ACAD11: variants seen among roughly 807,000 people sequenced by gnomAD.
The protein encoded by ACAD11 is acyl-Coenzyme A dehydrogenase family, member 11.
In ACAD11, 83 loss-of-function variants were observed where a neutral mutation model predicts 102.2. The ratio of observed to expected loss-of-function variants is 0.81; its 90% CI spans 0.68 to 0.97. The LOEUF is 0.97. Ranked by LOEUF, ACAD11 falls within the 50% of genes least tolerant of loss-of-function variation. The probability of loss-of-function intolerance (pLI) is 0.00; values close to 1 mark genes in which losing one functional copy is unlikely to be tolerated. For missense variants in ACAD11, 901 were observed against 951.7 expected, an observed-to-expected ratio of 0.95 and a Z score of 0.70; for synonymous variants, 324 against 319.8, an observed-to-expected ratio of 1.01 and a Z score of -0.14.
intron 13 of ACAD11, chr3:132,600,397 C>T: frequency 6.3e-7 from 1 of 1,578,348 alleles, no homozygotes; most frequent in Non-Finnish European, 8.6e-7. Context: ...AGATTGGAGC[C>T]ATGGCTTTGG....
intron 11 of ACAD11, among the ~76,000 whole-genome samples, chr3:132,613,990 T>A (rs1395975643): frequency 6.6e-6 from 1 of 152,056 alleles, no homozygotes; most frequent in Non-Finnish European, 1.5e-5. Flanking sequence ...GGATACAAAA[T>A]CAATGTGCAA....
At chr3:132,574,898 G>C (rs577325499) in intron 17 of ACAD11, among the ~76,000 whole-genome samples, 3 of 152,076 alleles carry the variant, frequency 2.0e-5, no homozygotes, top group South Asian at 2.1e-4. Flanking sequence ...GCAGTGGCAC[G>C]ATCTTGGCTG....
At position 132,612,703 on chromosome 3, in the gene ACAD11, A is replaced by G. The variant is rs549410951; in HGVS notation, c.1414+5931T>C. ...ACCATCTCACACCAGTTAGAATGGC[A>G]ATCATTAAAAAGTCAGGAAACAACA... On this transcript the variant is annotated intron_variant, in intron 11 of 19. Transcript: ENST00000264990. 2.4e-3 allele frequency among the ~76,000 whole-genome samples: 361 copies of G among 151,946 alleles called. 8 individuals carry two copies. The highest frequency in any genetic ancestry group is 7.7e-3 in the African/African-American group (318 of 41,364).
intron 7 of ACAD11, 50 bp from the exon 8 acceptor site, chr3:132,628,496 C>T (rs377705635): frequency 1.0e-4 from 132 of 1,261,792 alleles, no homozygotes; most frequent in Middle Eastern, 2.0e-4. Context: ...CGTCCTTCAA[C>T]AATCCAATCA....
At chr3:132,561,671 G>A (rs113847915) in intron 17 of ACAD11, among the ~76,000 whole-genome samples, 3 of 152,252 alleles carry the variant, frequency 2.0e-5, no homozygotes, top group African/African-American at 7.2e-5. Context: ...GCAGCAATTT[G>A]CTGTGTTGTT....
chr3:132,592,222 A>C (rs1336758148), intron 13 of ACAD11, among the ~76,000 whole-genome samples: 1 of 152,134 alleles, frequency 6.6e-6, no homozygotes, highest in Non-Finnish European at 1.5e-5. Context: ...AGAATTTGGC[A>C]AGTGCAGCAG....
At chr3:132,633,559 G>T (rs1940140442) in intron 5 of ACAD11, among the ~76,000 whole-genome samples, 1 of 152,110 alleles carries the variant, frequency 6.6e-6, no homozygotes. Context: ...TCTCTGCCAG[G>T]CTTTGGTATC....
chr3:132,600,341 T>A, intron 13 of ACAD11: 1 of 1,436,472 alleles, frequency 7.0e-7, no homozygotes, highest in South Asian at 1.5e-5. Flanking sequence ...TGTTTCCTTT[T>A]AAGCATATTT....
At chr3:132,649,212 C>T (rs762416909) in intron 1 of ACAD11, among the ~76,000 whole-genome samples, 11 of 152,210 alleles carry the variant, frequency 7.2e-5, no homozygotes, top group Non-Finnish European at 1.5e-4. Flanking sequence ...GCCCGACACC[C>T]GTAGGGGGTC....
chr3:132,576,033 GGCTTTCTAGT>G, intron 16 of ACAD11, 107 bp from the exon 17 acceptor site: 1 of 1,330,748 alleles, frequency 7.5e-7, no homozygotes, highest in East Asian at 2.4e-5. Flanking sequence ...TAATAAAAAT[GGCTTTCTAGT>G]GAAAAAAAGT....
chr3:132,595,977 A>T (rs10935020), intron 13 of ACAD11, among the ~76,000 whole-genome samples: 16,256 of 152,214 alleles, frequency 0.11, 1,425 homozygotes, highest in East Asian at 0.53. Context: ...ACATGCATGC[A>T]TATGTCCATT....
At chr3:132,616,415 T>C (rs537894988) in intron 11 of ACAD11, among the ~76,000 whole-genome samples, 1 of 152,306 alleles carries the variant, frequency 6.6e-6, no homozygotes, top group East Asian at 1.9e-4. Flanking sequence ...TATGATCCAT[T>C]AGTGCATCAT....
At chr3:132,590,998 C>CTTAAGTTTAATTAG (rs1938051133) in intron 13 of ACAD11, among the ~76,000 whole-genome samples, 1 of 152,130 alleles carries the variant, frequency 6.6e-6, no homozygotes, top group African/African-American at 2.4e-5. Flanking sequence ...TGCAGAAGCT[C>CTTAAGTTTAATTAG]TTAAGTTTAA....
chr3:132,568,745 T>C (rs982294514), intron 17 of ACAD11, among the ~76,000 whole-genome samples: 1 of 128,208 alleles, frequency 7.8e-6, no homozygotes, highest in East Asian at 2.2e-4. Context: ...AACAATTCAA[T>C]GGAGGAAACA....
chr3:132,600,146 T>C (rs1025192148), intron 13 of ACAD11, among the ~76,000 whole-genome samples: 5 of 152,232 alleles, frequency 3.3e-5, no homozygotes, highest in Non-Finnish European at 5.9e-5. Context: ...ATTATGTTTA[T>C]TGTCCTGTTC....
intron 1 of ACAD11, among the ~76,000 whole-genome samples, chr3:132,656,205 T>C (rs112325817): frequency 6.6e-6 from 1 of 152,280 alleles, no homozygotes; most frequent in African/African-American, 2.4e-5. Context: ...GTGAATATAC[T>C]GCAATTTATT....
intron 17 of ACAD11, among the ~76,000 whole-genome samples, chr3:132,572,193 G>A (rs1233301099): frequency 1.3e-5 from 2 of 152,120 alleles, no homozygotes; most frequent in East Asian, 1.9e-4. Context: ...AGCTTCTTAA[G>A]CTGATAAACA....
rs1174479633 is a variant in ACAD11, at chr3:132,591,117, C to T, written c.1622-11559G>A. Among the ~76,000 whole-genome samples the T allele has an allele frequency of 3.9e-5, 6 of 152,068 alleles. No homozygotes were observed. In the South Asian group the frequency reaches 1.0e-3, roughly 26 times the overall value. On this transcript the variant is annotated intron_variant, in intron 13 of 19. Transcript: ENST00000264990. ...AGGACAGTATTGCCTAGGTCATCTT[C>T]CAGGGTTTTTATAGTTTTGGGTTTT...
intron 12 of ACAD11, 74 bp downstream of exon 12, chr3:132,605,024 G>C (rs1017502837): frequency 5.3e-6 from 6 of 1,139,522 alleles, no homozygotes; most frequent in Non-Finnish European, 1.3e-6. Context: ...ACCACATCCT[G>C]TATTTCTTCA....
Sources: allele counts gnomAD v4.1 joint callset (sites outside exome capture counted in the v4.1 genomes callset), GRCh38; gene constraint gnomAD v4.1.1; transcripts MANE v1.5; gene names NCBI Gene and HGNC (gene_info 2026-07-23, HGNC 2026-07-21).